The following CABIN1 variants were observed in gnomAD, a reference collection of about 807,000 sequenced individuals.
CABIN1 encodes the protein calcineurin-binding protein cabin-1.
A neutral mutation model predicts 227.7 loss-of-function variants in CABIN1; 133 were observed. The ratio of observed to expected loss-of-function variants is 0.58; its 90% confidence interval spans 0.51 to 0.67. CABIN1 has a LOEUF of 0.67. Ranked by LOEUF, CABIN1 falls within the 30% of genes least tolerant of loss-of-function variation. The pLI is 0.00. For missense variants in CABIN1, 2,408 were observed against 2,852.5 expected, an observed-to-expected ratio of 0.84 and a Z score of 3.55; for synonymous variants, 1,086 against 1,155.1, an observed-to-expected ratio of 0.94 and a Z score of 1.21.
At chr22:24,056,740 G>A (rs35980052) in intron 10 of CABIN1, among the ~76,000 whole-genome samples, 5 of 152,158 alleles carry the variant, frequency 3.3e-5, no homozygotes, top group East Asian at 3.9e-4. Context: ...CAGGGAGTCC[G>A]TGTCTACTTG....
At position 24,171,733 on chromosome 22, in the gene CABIN1, C is replaced by T. The variant is rs1198902346; in HGVS notation, c.5778C>T (p.Thr1926=). The change falls in exon 34 of 37, where the codon ACC becomes ACT. Residue 1926 remains threonine, a synonymous_variant. Coordinates refer to ENST00000263119, the MANE Select transcript of CABIN1 (RefSeq NM_012295.4). ...CACAGGCCTCGGGGGACACCCCCACCACTCCAAAGCACCCCAAAGACAGCC... is the reference window on the plus strand; with the variant it reads ...CACAGGCCTCGGGGGACACCCCCACTACTCCAAAGCACCCCAAAGACAGCC... ...AQRQASGDTP[T]TPKHPKDSRE... is the part of the protein sequence containing the mutation. 1.9e-6 allele frequency: 3 copies of T among 1,614,142 alleles called. No individual in the cohort carries two copies. Among genetic ancestry groups the T allele is most frequent in the Non-Finnish European group, 2.5e-6 (3 of 1,180,036 alleles).
chr22:24,014,678 A>C (rs2035105820), intron 1 of CABIN1, among the ~76,000 whole-genome samples: 2 of 152,192 alleles, frequency 1.3e-5, no homozygotes, highest in South Asian at 4.2e-4. Flanking sequence ...ATCCTAGCTG[A>C]TTTTAGTTGT....
At chr22:24,153,950 G>A (rs2045637673) in intron 29 of CABIN1, among the ~76,000 whole-genome samples, 1 of 152,186 alleles carries the variant, frequency 6.6e-6, no homozygotes, top group South Asian at 2.1e-4. Flanking sequence ...GTGTTCATCT[G>A]TGCTGGTAGG....
rs2037336776 is a variant in CABIN1, at chr22:24,041,125, T to G, written c.211-14T>G. Reference sequence around the variant, plus strand: ...CAAGGTCTAGTTGTCACTTCTGTTCTGTTTTGTTCACAGGCAGTTTCATCC... The same window carrying G: ...CAAGGTCTAGTTGTCACTTCTGTTCGGTTTTGTTCACAGGCAGTTTCATCC... On this transcript the variant is annotated splice_polypyrimidine_tract_variant and intron_variant, in intron 4 of 36. Transcript: ENST00000263119. 1.2e-6 allele frequency: 2 copies of G among 1,614,186 alleles called. No homozygotes were observed. The highest frequency in any genetic ancestry group is 1.7e-6 in the Non-Finnish European group (2 of 1,180,006).
chr22:24,156,450 T>G (rs540048374), intron 29 of CABIN1: 2 of 199,378 alleles, frequency 1.0e-5, no homozygotes, highest in East Asian at 2.3e-4. Flanking sequence ...CATCCAGCCC[T>G]ACCAAGCCCC....
At chr22:24,017,238 T>C (rs1014150470) in intron 1 of CABIN1, among the ~76,000 whole-genome samples, 5 of 151,966 alleles carry the variant, frequency 3.3e-5, no homozygotes, top group African/African-American at 1.2e-4. Context: ...AGGGTTTCAC[T>C]GTGTTAGCCA....
Position 24,070,984 on chromosome 22 carries a change from T to C in CABIN1, c.2417T>C (p.Ile806Thr). ...QALSADSSGS[I>T]LKVSSSTTGL... is the part of the protein sequence containing the mutation. ...CTCTCTGCGGACAGCAGTGGTAGCA[T>C]CCTGAAGGTATCATCCTCCACCACT... is the stretch of plus-strand genomic sequence containing the variant. Residue 806 changes from isoleucine (I) to threonine (T), a missense_variant, in exon 17 of 37, where the codon ATC (isoleucine) becomes ACC (threonine). Physicochemically the swap from Ile to Thr is moderately conservative, Grantham distance 89 (BLOSUM62 -1). Transcript: ENST00000263119. The C allele has an allele frequency of 6.2e-7, 1 of 1,614,226 alleles. No homozygotes were observed. The highest frequency in any genetic ancestry group is 8.5e-7 in the Non-Finnish European group (1 of 1,180,042).
chr22:24,108,747 C>T (rs2042649567), intron 26 of CABIN1, among the ~76,000 whole-genome samples: 1 of 152,186 alleles, frequency 6.6e-6, no homozygotes, highest in African/African-American at 2.4e-5. Context: ...GGAGCACAGA[C>T]CTGATCCTCA....
At chr22:24,057,136 CTG>C (rs765476542) in intron 10 of CABIN1, among the ~76,000 whole-genome samples, 4 of 152,158 alleles carry the variant, frequency 2.6e-5, no homozygotes, top group Non-Finnish European at 5.9e-5. Flanking sequence ...CGGGGTTTCA[CTG>C]TGTTAGCCAG....
chr22:24,137,457 C>T (rs1042311865), intron 29 of CABIN1, among the ~76,000 whole-genome samples: 6 of 152,198 alleles, frequency 3.9e-5, no homozygotes, highest in African/African-American at 1.2e-4. Context: ...AAGGCTGGTA[C>T]AGCCTCATGT....
Position 24,072,402 on chromosome 22 carries a change from G to T in CABIN1, c.2524G>T (p.Val842Phe). The stretch of plus-strand genomic sequence containing the variant: ...GCAGGAGGAGGCCAAGGAGCCCCAC[G>T]TCTCTTCAGTGCTACCCTGGATCAT... ...AVQEEAKEPH[V>F]SSVLPWIILH... Residue 842 changes from valine (V) to phenylalanine (F), a missense_variant, in exon 18 of 37, where the codon GTC (valine) becomes TTC (phenylalanine). Physicochemically the swap from Val to Phe is conservative, Grantham distance 50. Around this residue, in one of 3 missense-constraint regions of CABIN1, gnomAD observed 1,045 missense variants for 1,168.4 expected, o/e 0.89. Coordinates refer to ENST00000263119, the MANE Select transcript of CABIN1 (RefSeq NM_012295.4). 6.2e-7 allele frequency: 1 copy of T among 1,614,140 alleles called. No homozygotes were observed. Among genetic ancestry groups the T allele is most frequent in the Admixed American group, 1.7e-5 (1 of 60,020 alleles).
At chr22:24,129,077 G>A (rs2043905465) in intron 28 of CABIN1, among the ~76,000 whole-genome samples, 2 of 152,200 alleles carry the variant, frequency 1.3e-5, no homozygotes, top group Non-Finnish European at 2.9e-5. Flanking sequence ...GATGGCACCT[G>A]GGATCAGGTC....
At position 24,158,487 on chromosome 22, in the gene CABIN1, G is replaced by A. The variant is rs1398007976; in HGVS notation, c.4747-5913G>A. Among the ~76,000 whole-genome samples the A allele has an allele frequency of 5.9e-5, 9 of 152,208 alleles. No homozygotes were observed. The East Asian group carries it at 1.7e-3, about 29-fold the overall frequency. On this transcript the variant is annotated intron_variant, in intron 29 of 36. Transcript: ENST00000263119. ...GGGCTCTGTGGTCATTTTGAATGATGTTTTTGGTGATGTGGGAAAATACAT... is the reference window on the plus strand; with the variant it reads ...GGGCTCTGTGGTCATTTTGAATGATATTTTTGGTGATGTGGGAAAATACAT...
At chr22:24,132,912 A>G (rs2044159560) in intron 28 of CABIN1, among the ~76,000 whole-genome samples, 1 of 152,166 alleles carries the variant, frequency 6.6e-6, no homozygotes. Flanking sequence ...AAAGTAAACT[A>G]CAGGTTGTTC....
intron 26 of CABIN1, among the ~76,000 whole-genome samples, chr22:24,110,502 C>A (rs1222218607): frequency 6.6e-6 from 1 of 152,190 alleles, no homozygotes; most frequent in Non-Finnish European, 1.5e-5. Context: ...CTGGGAAACT[C>A]CATTTCTTTA....
intron 26 of CABIN1, among the ~76,000 whole-genome samples, chr22:24,101,160 G>A (rs1277232215): frequency 2.0e-5 from 3 of 152,214 alleles, no homozygotes; most frequent in Non-Finnish European, 4.4e-5. Context: ...GGAGCCAGGC[G>A]TCAGGACTTT....
At chr22:24,078,517 T>C (rs1340256152) in intron 19 of CABIN1, among the ~76,000 whole-genome samples, 1 of 152,190 alleles carries the variant, frequency 6.6e-6, no homozygotes, top group African/African-American at 2.4e-5. Flanking sequence ...TTGTGTGGAT[T>C]ATTTTCTTAG....
intron 28 of CABIN1, 37 bp from the exon 29 acceptor site, chr22:24,134,265 C>T (rs779924753): frequency 2.6e-6 from 4 of 1,544,862 alleles, no homozygotes; most frequent in Non-Finnish European, 1.8e-6. Flanking sequence ...CTGAGCAGCC[C>T]ACACACTCAC....
intron 26 of CABIN1, among the ~76,000 whole-genome samples, chr22:24,109,926 TC>T (rs1320814974): frequency 6.6e-6 from 1 of 152,206 alleles, no homozygotes; most frequent in Admixed American, 6.5e-5. Context: ...TCCCAGCACT[TC>T]GGGAGGCTGA....
Sources: allele counts gnomAD v4.1 joint callset (sites outside exome capture counted in the v4.1 genomes callset), GRCh38; gene constraint gnomAD v4.1.1; regional missense constraint gnomAD v4.1.1; transcripts MANE v1.5; gene names NCBI Gene and HGNC (gene_info 2026-07-23, HGNC 2026-07-21).